Variants in IFT43 observed in about 807,000 individuals in gnomAD.
IFT43 encodes intraflagellar transport protein 43 homolog.
A neutral mutation model predicts 32.3 loss-of-function variants in IFT43; 33 were observed. That is an observed-to-expected ratio of 1.02 (90% CI 0.77 to 1.37). The LOEUF (loss-of-function observed/expected upper bound fraction) is 1.37. Among genes scored for constraint, IFT43 ranks in the 40% most tolerant of loss-of-function variants. The probability of loss-of-function intolerance (pLI) is 0.00; values close to 1 mark genes in which losing one functional copy is unlikely to be tolerated. For synonymous variants in IFT43, 93 were observed against 98.2 expected, an observed-to-expected ratio of 0.95 and a Z score of 0.31; for missense variants, 274 against 265.9, an observed-to-expected ratio of 1.03 and a Z score of -0.21.
At chr14:76,084,000 T>C, downstream of IFT43, 1 of 457,640 alleles carries the variant, frequency 2.2e-6, no homozygotes, top group Non-Finnish European at 4.4e-6. Flanking sequence ...GTGACCTTAG[T>C]GACGCAGCAC....
chr14:76,059,332 G>C lies in IFT43; in HGVS notation c.254G>C (p.Arg85Pro). ...RKASEEIEDF[R>P]LRPQSLNGSD... Reference sequence around the variant, plus strand: ...TTCTTCTTTTTTGGGGGCAGTTTCCGCCTCAGACCACAGAGCCTGAATGGA... The same window carrying C: ...TTCTTCTTTTTTGGGGGCAGTTTCCCCCTCAGACCACAGAGCCTGAATGGA... The change falls in exon 5 of 9, where the codon CGC becomes CCC. Residue 85 changes from arginine to proline, a missense_variant. Transcript: ENST00000314067. The C allele has an allele frequency of 6.2e-7, 1 of 1,613,958 alleles. No homozygotes were observed. The highest frequency in any genetic ancestry group is 1.1e-5 in the South Asian group (1 of 91,084).
At chr14:76,076,791 G>A (rs1249461659) in intron 5 of IFT43, 20 of 1,388,930 alleles carry the variant, frequency 1.4e-5, no homozygotes, top group Admixed American at 7.6e-5. Context: ...GATATTATCC[G>A]TAATGAATGT....
In IFT43 at chr14:76,009,436, T is replaced by C. The variant is rs917067200; in HGVS notation, c.148-12891T>C. Among the ~76,000 whole-genome samples, 3 of 152,024 alleles carry C rather than the reference T, an allele frequency of 2.0e-5. No homozygotes were observed. In the East Asian group the frequency reaches 5.8e-4, roughly 29 times the overall value. On this transcript the variant is annotated intron_variant, in intron 2 of 8. Transcript: ENST00000314067. ...ATTAGCTTTGAATTCGTTAATGTAT[T>C]ATTTCTAATTACCTAGCTTGGCTTA...
intron 5 of IFT43, among the ~76,000 whole-genome samples, chr14:76,067,648 G>A (rs1055173055): frequency 1.3e-5 from 2 of 152,010 alleles, no homozygotes; most frequent in African/African-American, 4.8e-5. Flanking sequence ...TGGAGAGTGA[G>A]TGACATCAGA....
rs2037546248 is a variant in IFT43 at position 76,083,227 on chromosome 14, G to T, written c.445G>T (p.Asp149Tyr). The T allele has an allele frequency of 6.2e-7, 1 of 1,614,030 alleles. No homozygotes were observed. The highest frequency in any genetic ancestry group is 1.7e-5 in the Admixed American group (1 of 60,008). The change falls in exon 8 of 9, where the codon GAT becomes TAT. Residue 149 changes from aspartate (D) to tyrosine (Y), a missense_variant and splice_region_variant. Transcript: ENST00000314067. ...GACCTTTTTTTGTTTGCATTCACAG[G>T]ATGGGGAGATCGACCTGAAACTCCT... The part of the protein sequence containing the change: ...LMKYSAIQTL[D>Y]GEIDLKLLTK...
chr14:76,062,061 A>C (rs1350138117), intron 5 of IFT43, among the ~76,000 whole-genome samples: 3 of 148,640 alleles, frequency 2.0e-5, no homozygotes, highest in Non-Finnish European at 4.5e-5. Context: ...GTTACAAGTC[A>C]TATTTTTCCG....
chr14:76,022,296 A>G, intron 2 of IFT43, 31 bp from the exon 3 acceptor site: 3 of 1,575,406 alleles, frequency 1.9e-6, no homozygotes, highest in East Asian at 2.2e-5. Flanking sequence ...TGTTGAGTGA[A>G]TGTGTTCTTT....
intron 2 of IFT43, among the ~76,000 whole-genome samples, chr14:76,012,360 T>C (rs2036101796): frequency 6.6e-6 from 1 of 152,200 alleles, no homozygotes; most frequent in African/African-American, 2.4e-5. Context: ...AAAGACTCCC[T>C]CTGACATGGT....
chr14:76,078,042 A>G (rs2037441255), intron 5 of IFT43, among the ~76,000 whole-genome samples: 1 of 152,244 alleles, frequency 6.6e-6, no homozygotes, highest in Admixed American at 6.5e-5. Flanking sequence ...CATTTAAAAG[A>G]AGTAAAATAC....
intron 2 of IFT43, among the ~76,000 whole-genome samples, chr14:76,012,526 A>G (rs2036105279): frequency 6.6e-6 from 1 of 152,122 alleles, no homozygotes; most frequent in Admixed American, 6.5e-5. Context: ...CTCTTTACTC[A>G]CAGTCATTCC....
chr14:76,082,261 C>T (rs774058301), intron 5 of IFT43, 34 bp from the exon 6 acceptor site: 1 of 1,600,452 alleles, frequency 6.2e-7, no homozygotes, highest in Admixed American at 1.7e-5. Context: ...CCTATGAGTT[C>T]TGCAGACAGT....
At chr14:76,033,349 T>C (rs1052932991) in intron 3 of IFT43, among the ~76,000 whole-genome samples, 1 of 152,202 alleles carries the variant, frequency 6.6e-6, no homozygotes, top group Non-Finnish European at 1.5e-5. Context: ...AGCAGGATAC[T>C]GGAGGGATAG....
chr14:76,048,828 G>A lies in IFT43; in HGVS notation c.216-9814G>A, dbSNP rs116496944. ...ATTTACCAGGGATTCACCAGGGTGGGCCCTGAGCCTCCCAGGAGGCTGCCA... is the reference window on the plus strand; with the variant it reads ...ATTTACCAGGGATTCACCAGGGTGGACCCTGAGCCTCCCAGGAGGCTGCCA... On this transcript the variant is annotated intron_variant, in intron 3 of 8. Transcript: ENST00000314067. Among the ~76,000 whole-genome samples, 309 of 152,246 alleles carry A rather than the reference G, an allele frequency of 2.0e-3. 2 individuals are homozygous for A. Among genetic ancestry groups the A allele is most frequent in the African/African-American group, 7.1e-3 (295 of 41,542 alleles).
At chr14:75,997,795 A>G (rs896329203) in intron 2 of IFT43, among the ~76,000 whole-genome samples, 4 of 152,200 alleles carry the variant, frequency 2.6e-5, no homozygotes, top group African/African-American at 9.7e-5. Context: ...GATTTGAGCT[A>G]CTATCATCCC....
chr14:76,058,574 C>T (rs181771083), intron 3 of IFT43, 68 bp from the exon 4 acceptor site: 2 of 1,597,086 alleles, frequency 1.3e-6, no homozygotes, highest in Admixed American at 1.7e-5. Flanking sequence ...AAACCTTCCT[C>T]AAGATACTAC....
At chr14:76,019,812 T>A (rs1422410248) in intron 2 of IFT43, among the ~76,000 whole-genome samples, 1 of 152,118 alleles carries the variant, frequency 6.6e-6, no homozygotes, top group African/African-American at 2.4e-5. Context: ...TCTGAAATTC[T>A]TTTTCTCCTG....
Position 76,059,343 on chromosome 14 carries a change from C to T in IFT43, c.265C>T (p.Gln89Ter). ...TGGGGGCAGTTTCCGCCTCAGACCACAGAGCCTGAATGGATCAGATTATGG... is the reference window on the plus strand; with the variant it reads ...TGGGGGCAGTTTCCGCCTCAGACCATAGAGCCTGAATGGATCAGATTATGG... Reference protein sequence around the residue: ...EEIEDFRLRPQSLNGSDYGGD... With the variant: ...EEIEDFRLRP Residue 89 changes from glutamine (Q) to a stop codon, truncating the protein, a stop_gained, in exon 5 of 9, where the codon CAG becomes TAG. Coordinates refer to ENST00000314067, the MANE Select transcript of IFT43 (RefSeq NM_001102564.3). LOFTEE classifies it high-confidence loss of function. The T allele has an allele frequency of 6.2e-7, 1 of 1,614,088 alleles. No individual in the cohort carries two copies. The highest frequency in any genetic ancestry group is 8.5e-7 in the Non-Finnish European group (1 of 1,179,942).
At chr14:76,045,502 C>T (rs1184706941) in intron 3 of IFT43, among the ~76,000 whole-genome samples, 1 of 152,222 alleles carries the variant, frequency 6.6e-6, no homozygotes. Flanking sequence ...ATCCCATTAA[C>T]AGAAGCTTAA....
chr14:76,033,822 G>A (rs1303356896), intron 3 of IFT43, among the ~76,000 whole-genome samples: 1 of 152,194 alleles, frequency 6.6e-6, no homozygotes, highest in East Asian at 1.9e-4. Flanking sequence ...GGCAAAAGGA[G>A]CATATTGGCA....
Sources: gnomAD v4.1 joint callset for allele counts (sites outside exome capture counted in the v4.1 genomes callset) on GRCh38, gnomAD v4.1.1 for gene constraint, MANE v1.5 for transcripts, NCBI Gene and HGNC (gene_info 2026-07-23, HGNC 2026-07-21) for gene names.